The following GHR variants were observed in gnomAD, a reference collection of about 807,000 sequenced individuals.
GHR encodes the protein growth hormone receptor.
GHR carries 35 observed loss-of-function variants against 67.1 expected under a neutral mutation model. The observed-to-expected ratio is 0.52, with a 90% CI of 0.40 to 0.69. GHR has a LOEUF of 0.69. GHR is among the 30% of genes least tolerant of loss of function. GHR has a pLI of 0.00. For synonymous variants in GHR, 272 were observed against 269.1 expected (o/e 1.01, Z -0.10); for missense variants, 792 against 764.6 (o/e 1.04, Z -0.42).
intron 1 of GHR, among the ~76,000 whole-genome samples, chr5:42,509,183 T>C (rs576497027): frequency 1.2e-4 from 18 of 152,322 alleles, no homozygotes; most frequent in African/African-American, 4.3e-4. Flanking sequence ...CTGCTTTCCA[T>C]CTATACCCTG....
At chr5:42,612,272 G>A (rs770396340) in intron 2 of GHR, among the ~76,000 whole-genome samples, 2 of 152,248 alleles carry the variant, frequency 1.3e-5, no homozygotes, top group African/African-American at 4.8e-5. Context: ...TCAACCAGAA[G>A]CAAGTCTACA....
intron 2 of GHR, among the ~76,000 whole-genome samples, chr5:42,568,234 T>A (rs77202921): frequency 2.6e-5 from 4 of 152,306 alleles, no homozygotes; most frequent in South Asian, 2.1e-4. Context: ...GATTTTTTTT[T>A]ATTAAATCTA....
In GHR at chr5:42,531,935, T is replaced by C. The variant is rs919551370; in HGVS notation, c.-11-33929T>C. Among the ~76,000 whole-genome samples, 5 of 152,060 alleles carry C rather than the reference T, an allele frequency of 3.3e-5. No homozygotes were observed. In the South Asian group the frequency reaches 8.3e-4, roughly 25 times the overall value. ...AACTAGAGTTTTTCAATGGAGTACT[T>C]GGGCAGTTGAATTAGTATGTTTCTC... is the stretch of plus-strand genomic sequence containing the variant. On this transcript the variant is annotated intron_variant, in intron 1 of 9. Coordinates refer to ENST00000230882, the MANE Select transcript of GHR (RefSeq NM_000163.5).
chr5:42,534,350 G>T (rs1215251514), intron 1 of GHR, among the ~76,000 whole-genome samples: 1 of 139,220 alleles, frequency 7.2e-6, no homozygotes, highest in South Asian at 2.3e-4. Flanking sequence ...ATATATGTAT[G>T]TATATATGTA....
In GHR at chr5:42,718,079, T is replaced by A; in HGVS notation, c.903T>A (p.Val301=). 6.3e-7 allele frequency: 1 copy of A among 1,594,002 alleles called. No homozygotes were observed. The highest frequency in any genetic ancestry group is 8.6e-7 in the Non-Finnish European group (1 of 1,161,996). ...QRIKMLILPP[V]PVPKIKGIDP... ...TTAAAATGCTGATTCTGCCCCCAGT[T>A]CCAGTTCCAAAGATTAAAGGAATCG... The change falls in exon 9 of 10, where the codon GTT becomes GTA. Residue 301 remains valine (V), a synonymous_variant. Coordinates refer to ENST00000230882, the MANE Select transcript of GHR (RefSeq NM_000163.5).
rs151160195 is a variant in GHR, at chr5:42,493,906, A to G, written c.-12+69951A>G. Among the ~76,000 whole-genome samples the G allele has an allele frequency of 7.0e-3, 1,067 of 152,298 alleles. 13 individuals carry two copies. The highest frequency in any genetic ancestry group is 0.025 in the African/African-American group (1,031 of 41,564). ...GGTAGGTCTAGATGTCTAGAGGCCA[A>G]CTAATACAGTTTTATATAATCAACA... On this transcript the variant is annotated intron_variant, in intron 1 of 9. Transcript: ENST00000230882.
In GHR at chr5:42,616,796, A is replaced by C. The variant is rs570273713; in HGVS notation, c.71-12242A>C. ...ACCAAGAAAGAACAGTCGGTGAGCT[A>C]GAAGGGACACCAAGTGGCTCAGGCA... is the stretch of plus-strand genomic sequence containing the variant. On this transcript the variant is annotated intron_variant, in intron 2 of 9. Transcript: ENST00000230882. 3.4e-4 allele frequency among the ~76,000 whole-genome samples: 52 copies of C among 152,222 alleles called. 1 individual carries two copies. Among genetic ancestry groups the C allele is most frequent in the Non-Finnish European group, 7.4e-5 (5 of 67,986 alleles).
chr5:42,719,459 T>C lies in GHR; in HGVS notation c.*35T>C, dbSNP rs112837671. On this transcript the variant is annotated 3_prime_UTR_variant, in exon 10 of 10. Transcript: ENST00000230882. ...GGTTTCCCAAGAGCTACGTATTTAA[T>C]AGCAAAGAATTGACTGGGGCAATAA... is the stretch of plus-strand genomic sequence containing the variant. 42 of 1,596,038 alleles carry C rather than the reference T, an allele frequency of 2.6e-5. 1 individual carries two copies. The African/African-American group carries it at 2.9e-4, about 11-fold the overall frequency.
At chr5:42,717,059 C>T (rs905725325) in intron 8 of GHR, among the ~76,000 whole-genome samples, 3 of 152,178 alleles carry the variant, frequency 2.0e-5, no homozygotes, top group African/African-American at 7.2e-5. Context: ...ATAAATCCAG[C>T]ACTTTGGGAG....
At chr5:42,575,192 A>G (rs1344307440) in intron 2 of GHR, among the ~76,000 whole-genome samples, 1 of 152,304 alleles carries the variant, frequency 6.6e-6, no homozygotes, top group East Asian at 1.9e-4. Context: ...GTTTAGGACC[A>G]GTAAGAGGCA....
At chr5:42,589,839 C>T (rs1751680890) in intron 2 of GHR, among the ~76,000 whole-genome samples, 1 of 152,056 alleles carries the variant, frequency 6.6e-6, no homozygotes, top group Non-Finnish European at 1.5e-5. Flanking sequence ...GATGGGTTAC[C>T]ATTACATGGA....
chr5:42,453,648 A>T (rs1744141293), intron 1 of GHR, among the ~76,000 whole-genome samples: 1 of 152,148 alleles, frequency 6.6e-6, no homozygotes, highest in South Asian at 2.1e-4. Flanking sequence ...CCAAGTAGGG[A>T]GGAACTGTGA....
intron 2 of GHR, chr5:42,619,780 T>C (rs1226356027): frequency 6.6e-6 from 1 of 152,124 alleles, no homozygotes; most frequent in Non-Finnish European, 1.5e-5. Flanking sequence ...AAAGATGCCT[T>C]TGCCCATAGA....
intron 2 of GHR, among the ~76,000 whole-genome samples, chr5:42,574,399 T>C (rs1750524225): frequency 6.6e-6 from 1 of 152,254 alleles, no homozygotes; most frequent in Non-Finnish European, 1.5e-5. Flanking sequence ...CCCTCTAGTA[T>C]TTGCTCTGAA....
At chr5:42,564,642 T>C (rs1020527612) in intron 1 of GHR, among the ~76,000 whole-genome samples, 2 of 152,162 alleles carry the variant, frequency 1.3e-5, no homozygotes, top group African/African-American at 4.8e-5. Context: ...TTAAAGTACG[T>C]CAAGAATTTT....
chr5:42,564,608 G>T (rs548313050), intron 1 of GHR, among the ~76,000 whole-genome samples: 4 of 152,286 alleles, frequency 2.6e-5, no homozygotes, highest in Admixed American at 2.6e-4. Context: ...GAACAAAAAA[G>T]ATAGGTCCTC....
chr5:42,529,925 A>G (rs966459498), intron 1 of GHR, among the ~76,000 whole-genome samples: 4 of 152,030 alleles, frequency 2.6e-5, no homozygotes, highest in African/African-American at 7.2e-5. Context: ...AATTAGCACT[A>G]AAGAGAAATA....
intron 8 of GHR, among the ~76,000 whole-genome samples, chr5:42,717,068 A>T (rs1318986160): frequency 1.3e-5 from 2 of 152,198 alleles, no homozygotes; most frequent in Non-Finnish European, 2.9e-5. Flanking sequence ...GCACTTTGGG[A>T]GGATGGGGCG....
In GHR at chr5:42,720,263, C is replaced by G. The variant is rs1758955319; in HGVS notation, c.*839C>G. 6.6e-6 allele frequency: 1 copy of G among 152,156 alleles called. No homozygotes were observed. The highest frequency in any genetic ancestry group is 1.5e-5 in the Non-Finnish European group (1 of 68,016). The allele number at this position is 152,156 out of a possible 1,614,324, so 9.4% of individuals were successfully genotyped here. A position where few individuals can be genotyped will look rare whatever the true frequency, so the allele number is the denominator to read the frequency against. On this transcript the variant is annotated 3_prime_UTR_variant, in exon 10 of 10. Transcript: ENST00000230882. ...TTTAGAAAACTTTAAAGCGTTTGCA[C>G]AGATCAACTTACCAGGCACCAAAAG...
Sources: gnomAD v4.1 joint callset for allele counts (sites outside exome capture counted in the v4.1 genomes callset) on GRCh38, gnomAD v4.1.1 for gene constraint, MANE v1.5 for transcripts, NCBI Gene and HGNC (gene_info 2026-07-23, HGNC 2026-07-21) for gene names.